LTF: variants seen among roughly 807,000 people sequenced by gnomAD.
LTF encodes lactotransferrin, also known as epididymis luminal protein 110.
LTF carries 91 observed loss-of-function variants against 87.2 expected under a neutral mutation model. The observed-to-expected ratio is 1.04, with a 90% CI of 0.88 to 1.24. LTF has a LOEUF of 1.24. Ranked by LOEUF, LTF falls within the 50% of genes most tolerant of loss-of-function variation. LTF has a pLI of 0.00. For synonymous variants in LTF, 378 were observed against 356.1 expected (o/e 1.06, Z -0.69); for missense variants, 901 against 904.3 (o/e 1.00, Z 0.05).
intron 13 of LTF, among the ~76,000 whole-genome samples, chr3:46,443,224 T>C (rs1702565375): frequency 6.6e-6 from 1 of 152,226 alleles, no homozygotes; most frequent in African/African-American, 2.4e-5. Flanking sequence ...GGAGAAGCAC[T>C]GCGGAGCTGA....
chr3:46,444,171 C>T (rs1356278707), intron 12 of LTF, among the ~76,000 whole-genome samples: 1 of 152,194 alleles, frequency 6.6e-6, no homozygotes, highest in Non-Finnish European at 1.5e-5. Flanking sequence ...AATGCAGAAG[C>T]AGGGACTGGA....
In LTF at chr3:46,435,872, C is replaced by T; in HGVS notation, c.*323G>A. On this transcript the variant is annotated 3_prime_UTR_variant, in exon 17 of 17. Transcript: ENST00000231751. ...TGGCCTTAAATTCCAGACCCTTGGG[C>T]ATCATACCCAAGACTGCAAGAAAGA... The T allele has an allele frequency of 2.7e-6, 1 of 374,456 alleles. No homozygotes were observed. Among genetic ancestry groups the T allele is most frequent in the Non-Finnish European group, 5.0e-6 (1 of 201,740 alleles). The allele number at this position is 374,456 out of a possible 1,614,324, so 23.2% of individuals were successfully genotyped here.
intron 1 of LTF, among the ~76,000 whole-genome samples, chr3:46,462,826 A>G (rs9862388): frequency 0.5 from 76,502 of 151,880 alleles, 23,563 homozygotes; most frequent in African/African-American, 0.87. Flanking sequence ...ATCAGAAATC[A>G]GCTTGGTAAT....
At position 46,461,330 on chromosome 3, in the gene LTF, C is replaced by T. The variant is rs144160704; in HGVS notation, c.44-1511G>A. Among the ~76,000 whole-genome samples, 12 of 152,342 alleles carry T rather than the reference C, an allele frequency of 7.9e-5. No homozygotes were observed. In the East Asian group the frequency reaches 2.3e-3, roughly 29 times the overall value. On this transcript the variant is annotated intron_variant, in intron 1 of 16. Coordinates refer to ENST00000231751, the MANE Select transcript of LTF (RefSeq NM_002343.6). ...TAGCCAGAAGAAATATTATAAGAAC[C>T]TATCATACATAAATGCTTGTGCATG... is the stretch of plus-strand genomic sequence containing the variant.
intron 11 of LTF, 130 bp downstream of exon 11, chr3:46,446,310 A>G (rs1575310442): frequency 5.2e-6 from 1 of 192,902 alleles, no homozygotes. Context: ...CACCCTTAAA[A>G]TTATTGCTCC....
chr3:46,459,264 G>A (rs1454520514), intron 2 of LTF, among the ~76,000 whole-genome samples: 5 of 152,236 alleles, frequency 3.3e-5, no homozygotes, highest in East Asian at 1.9e-4. Context: ...ATGTGGCAAC[G>A]GTGACCAGGA....
At chr3:46,485,079 G>C (rs867489509) in exon 1 of LTF, 1 of 152,440 alleles carries the variant, frequency 6.6e-6, no homozygotes, top group Non-Finnish European at 1.5e-5. Context: ...TGGAGTTCCA[G>C]GGATCTGGGA....
chr3:46,479,316 T>C (rs1703402488), intron 1 of LTF, among the ~76,000 whole-genome samples: 5 of 152,028 alleles, frequency 3.3e-5, no homozygotes, highest in Admixed American at 3.3e-4. Context: ...AACCAAGTGA[T>C]TGAGGGGGAG....
chr3:46,476,897 T>C (rs1703366104), intron 1 of LTF, among the ~76,000 whole-genome samples: 1 of 152,234 alleles, frequency 6.6e-6, no homozygotes, highest in Non-Finnish European at 1.5e-5. Context: ...TGTATAATCT[T>C]TATGTATGTG....
At chr3:46,458,764 A>T (rs1319619500) in intron 2 of LTF, among the ~76,000 whole-genome samples, 1 of 152,172 alleles carries the variant, frequency 6.6e-6, no homozygotes, top group Non-Finnish European at 1.5e-5. Flanking sequence ...TAGTAGAGGC[A>T]GGGTTTCACC....
chr3:46,448,368 T>TA (rs10653871), intron 9 of LTF, among the ~76,000 whole-genome samples: 10,605 of 148,834 alleles, frequency 0.071, 473 homozygotes, highest in South Asian at 0.15. Flanking sequence ...ATCTGTCTCT[T>TA]AAAAAAAAAA....
At chr3:46,459,615 C>G (rs1168714445) in intron 2 of LTF, 41 bp downstream of exon 2, 1 of 1,371,676 alleles carries the variant, frequency 7.3e-7, no homozygotes, top group African/African-American at 1.5e-5. Context: ...TCTCTCCCTT[C>G]CATTCAGCTT....
upstream of LTF, among the ~76,000 whole-genome samples, chr3:46,466,518 G>T (rs1703216900): frequency 1.3e-5 from 2 of 152,232 alleles, no homozygotes; most frequent in Non-Finnish European, 2.9e-5. Flanking sequence ...AGCCCAAGGT[G>T]GAGAGGCCAT....
chr3:46,443,167 C>T (rs757713067), intron 13 of LTF, among the ~76,000 whole-genome samples: 6 of 152,172 alleles, frequency 3.9e-5, no homozygotes, highest in Non-Finnish European at 8.8e-5. Context: ...ATTTTCAGGA[C>T]GAGGCTATTG....
intron 9 of LTF, among the ~76,000 whole-genome samples, 193 bp from the exon 10 acceptor site, chr3:46,447,591 C>A (rs1702687306): frequency 6.6e-6 from 1 of 152,228 alleles, no homozygotes; most frequent in Non-Finnish European, 1.5e-5. Context: ...TGCCTACTTT[C>A]TGGGCTGTCA....
At chr3:46,464,924 G>A (rs1379419825), upstream of LTF, 5 of 1,579,356 alleles carry the variant, frequency 3.2e-6, no homozygotes, top group African/African-American at 6.7e-5. Context: ...CGCCTGCCCT[G>A]CGCCCCTTTA....
rs1368994969 is a variant in LTF, at chr3:46,455,370, A to T, written c.572T>A (p.Leu191Gln). 1 of 1,614,142 alleles carries T rather than the reference A, an allele frequency of 6.2e-7. No homozygotes were observed. The highest frequency in any genetic ancestry group is 1.3e-5 in the African/African-American group (1 of 74,958). ...DKGQFPNLCR[L>Q]CAGTGENKCA... is the part of the protein sequence containing the mutation. ...TTTGTTTTCCCCTGTCCCCGCACAC[A>T]GGCGACACAGGTTGGGGAACTGTCC... Residue 191 changes from leucine to glutamine, a missense_variant, in exon 5 of 17, where the codon CTG becomes CAG. Transcript: ENST00000231751.
rs762512325 is a variant in LTF at position 46,459,766 on chromosome 3, G to T, written c.97C>A (p.Pro33Thr). The change falls in exon 2 of 17, where the codon CCC becomes ACC. Residue 33 changes from proline (P) to threonine (T), a missense_variant. Transcript: ENST00000231751. ...RSVQWCAVSQ[P>T]EATKCFQWQR... Reference sequence around the variant, plus strand: ...CATTGGAAGCATTTTGTGGCCTCGGGTTGGGATACGGCGCACCACTGAACA... The same window carrying T: ...CATTGGAAGCATTTTGTGGCCTCGGTTTGGGATACGGCGCACCACTGAACA... The T allele has an allele frequency of 1.3e-6, 2 of 1,549,800 alleles. No individual in the cohort carries two copies. Among genetic ancestry groups the T allele is most frequent in the African/African-American group, 1.7e-5 (1 of 59,506 alleles).
At chr3:46,479,070 G>A (rs1703398779) in intron 1 of LTF, among the ~76,000 whole-genome samples, 1 of 152,232 alleles carries the variant, frequency 6.6e-6, no homozygotes, top group Admixed American at 6.5e-5. Context: ...CAACAGACAA[G>A]GGAATAGTCA....
Sources: allele counts gnomAD v4.1 joint callset (sites outside exome capture counted in the v4.1 genomes callset), GRCh38; gene constraint gnomAD v4.1.1; transcripts MANE v1.5; gene names NCBI Gene and HGNC (gene_info 2026-07-23, HGNC 2026-07-21).